The following COL6A5 variants were observed in gnomAD, a reference collection of about 807,000 sequenced individuals.
COL6A5 encodes collagen type VI alpha 5 chain.
COL6A5 carries 48 observed loss-of-function variants against 65.6 expected under a neutral mutation model. The observed-to-expected ratio is 0.73, with a 90% confidence interval of 0.58 to 0.93. The LOEUF is 0.93. Ranked by LOEUF, COL6A5 falls within the 40% of genes least tolerant of loss-of-function variation. The pLI is 0.00. For synonymous variants in COL6A5, 291 were observed against 322.8 expected (o/e 0.90, Z 1.05); for missense variants, 914 against 928.3 (o/e 0.98, Z 0.20).
chr3:130,398,430 G>A (rs576618791), intron 10 of COL6A5, among the ~76,000 whole-genome samples: 8 of 152,068 alleles, frequency 5.3e-5, no homozygotes, highest in African/African-American at 1.7e-4. Flanking sequence ...GCGCCCAGCC[G>A]AGTTGAAAAT....
At chr3:130,361,744 T>G (rs1352665429) in intron 1 of COL6A5, among the ~76,000 whole-genome samples, 1 of 152,098 alleles carries the variant, frequency 6.6e-6, no homozygotes, top group Non-Finnish European at 1.5e-5. Flanking sequence ...GCATTTGGTG[T>G]TGTCAGTGTT....
intron 1 of COL6A5, among the ~76,000 whole-genome samples, chr3:130,369,102 G>C (rs1030509253): frequency 1.3e-5 from 2 of 152,120 alleles, no homozygotes; most frequent in African/African-American, 4.8e-5. Flanking sequence ...TCCTGAGTGA[G>C]GGATGCTTAA....
chr3:130,421,924 C>T (rs531666727), intron 27 of COL6A5, among the ~76,000 whole-genome samples: 2 of 152,144 alleles, frequency 1.3e-5, no homozygotes, highest in South Asian at 2.1e-4. Context: ...CCTTTCATCT[C>T]AACCCAAGTA....
chr3:130,347,867 G>A (rs1046462256), intron 1 of COL6A5, among the ~76,000 whole-genome samples: 2 of 152,164 alleles, frequency 1.3e-5, no homozygotes, highest in African/African-American at 4.8e-5. Context: ...AGTGGAAAGT[G>A]CAAAGGAAGA....
Position 130,397,937 on chromosome 3 carries a change from A to G in COL6A5, c.3909+14A>G. The G allele has an allele frequency of 1.3e-6, 2 of 1,548,368 alleles. No homozygotes were observed. Among genetic ancestry groups the G allele is most frequent in the Non-Finnish European group, 1.7e-6 (2 of 1,144,164 alleles). On this transcript the variant is annotated intron_variant and NMD_transcript_variant, in intron 9 of 41. Coordinates refer to the COL6A5 transcript ENST00000312481. ...TCCCGGGGCCAGGTATCCATATTAC[A>G]TTCTATCTCCCATCTCCACATTCTC...
At position 130,401,789 on chromosome 3, in the gene COL6A5, T is replaced by G. The variant is rs370632529; in HGVS notation, c.4162T>G (p.Cys1388Gly). Residue 1388 changes from cysteine to glycine, a missense_variant and NMD_transcript_variant, in exon 12 of 42, where the codon TGT (cysteine) becomes GGT (glycine). By Grantham distance (159) the Cys-to-Gly change is radical. Coordinates refer to the COL6A5 transcript ENST00000312481. ...AAATATTGCAGAGAGGACTTGCTGC[T>G]GTACATTCTGCAAATGTCCAGGAAT... 17 of 1,551,624 alleles carry G rather than the reference T, an allele frequency of 1.1e-5. No individual in the cohort carries two copies. The East Asian group carries it at 3.4e-4, about 31-fold the overall frequency.
At chr3:130,391,643 C>T (rs1229873512) in exon 7 of COL6A5, 10 of 1,551,500 alleles carry the variant, frequency 6.4e-6, no homozygotes, top group African/African-American at 2.7e-5. Flanking sequence ...CCAAAAGGAA[C>T]TTGAGGGTAT....
chr3:130,428,312 C>G (rs1394549837), upstream of COL6A5, among the ~76,000 whole-genome samples: 5 of 152,078 alleles, frequency 3.3e-5, no homozygotes, highest in Admixed American at 6.5e-5. Flanking sequence ...ATTTCCAAGG[C>G]TTCTCATCTA....
At chr3:130,473,038 CA>C (rs1005350123) in intron 7 of COL6A5, among the ~76,000 whole-genome samples, 3 of 149,068 alleles carry the variant, frequency 2.0e-5, no homozygotes, top group Non-Finnish European at 4.5e-5. Flanking sequence ...AAAATACAGA[CA>C]AAAAGAGAGA....
exon 1 of COL6A5, chr3:130,345,703 A>C (rs1182694048): frequency 2.5e-6 from 1 of 398,566 alleles, no homozygotes; most frequent in African/African-American, 2.1e-5. Flanking sequence ...AAGAGTTAAA[A>C]GCCCCAGGGA....
chr3:130,413,453 AT>A, intron 20 of COL6A5, 91 bp from the exon 21 acceptor site: 2 of 1,184,250 alleles, frequency 1.7e-6, no homozygotes, highest in Middle Eastern at 3.8e-4. Flanking sequence ...CTCATTACTT[AT>A]GTCTAGCAGA....
At chr3:130,358,064 C>A (rs902179846) in intron 1 of COL6A5, among the ~76,000 whole-genome samples, 4 of 152,050 alleles carry the variant, frequency 2.6e-5, no homozygotes, top group Non-Finnish European at 4.4e-5. Context: ...TGGCGGGCGC[C>A]TGTAGTCCCA....
rs1709143424 is a variant in COL6A5, at chr3:130,440,282, G to A, written c.700G>A (p.Val234Met). Reference sequence around the variant, plus strand: ...TATAGCAAAGGATGAGTTTAAGGCTGTGAAAGCCTTGGTGAGCTCAGTGAT... The same window carrying A: ...TATAGCAAAGGATGAGTTTAAGGCTATGAAAGCCTTGGTGAGCTCAGTGAT... Residue 234 changes from valine (V) to methionine (M), a missense_variant, in exon 3 of 8, where the codon GTG becomes ATG. Physicochemically the swap from Val to Met is conservative, Grantham distance 21. Coordinates refer to ENST00000512836, the Ensembl canonical transcript of COL6A5. 2.5e-6 allele frequency: 4 copies of A among 1,613,174 alleles called. No individual in the cohort carries two copies. The South Asian group carries it at 3.3e-5, about 13-fold the overall frequency.
chr3:130,407,807 T>C (rs774563270), intron 17 of COL6A5, among the ~76,000 whole-genome samples: 8 of 152,118 alleles, frequency 5.3e-5, no homozygotes, highest in Non-Finnish European at 1.0e-4. Context: ...CGGAAATAAT[T>C]AGGTTTGAGG....
chr3:130,425,402 G>A (rs964039315), intron 29 of COL6A5, among the ~76,000 whole-genome samples: 4 of 152,126 alleles, frequency 2.6e-5, no homozygotes, highest in Non-Finnish European at 5.9e-5. Flanking sequence ...TTGTACAAGT[G>A]TAAGCATGAA....
At chr3:130,399,097 A>G (rs1936717833) in intron 10 of COL6A5, among the ~76,000 whole-genome samples, 1 of 152,236 alleles carries the variant, frequency 6.6e-6, no homozygotes, top group Admixed American at 6.5e-5. Flanking sequence ...AGGATGCAGC[A>G]ATGGAAGACT....
At chr3:130,403,719 A>G (rs1936891827) in intron 13 of COL6A5, 57 bp downstream of exon 13, 26 of 1,249,480 alleles carry the variant, frequency 2.1e-5, no homozygotes, top group Non-Finnish European at 2.9e-5. Context: ...ACACACACAC[A>G]CACACACACA....
chr3:130,381,940 C>T (rs1936009366), intron 4 of COL6A5, among the ~76,000 whole-genome samples: 1 of 152,002 alleles, frequency 6.6e-6, no homozygotes, highest in South Asian at 2.1e-4. Flanking sequence ...CAAGGCCTCA[C>T]TATGTAACTC....
chr3:130,432,477 G>A (rs1033374374), intron 1 of COL6A5, among the ~76,000 whole-genome samples: 8 of 151,886 alleles, frequency 5.3e-5, no homozygotes, highest in Non-Finnish European at 8.8e-5. Context: ...CTTGAACCAG[G>A]GAGTTGGAGG....
Sources: gnomAD v4.1 joint callset for allele counts (sites outside exome capture counted in the v4.1 genomes callset) on GRCh38, gnomAD v4.1.1 for gene constraint, MANE v1.5 for transcripts, NCBI Gene and HGNC (gene_info 2026-07-23, HGNC 2026-07-21) for gene names.